LRP1B: variants seen among roughly 807,000 people sequenced by gnomAD.
LRP1B encodes the protein low-density lipoprotein receptor-related protein 1B.
In LRP1B, 217 loss-of-function variants were observed where a neutral mutation model predicts 556.6. That is an observed-to-expected ratio of 0.39 (90% confidence interval 0.35 to 0.44). LRP1B has a LOEUF of 0.44. LRP1B is among the 20% of genes least tolerant of loss of function. The pLI, the probability that LRP1B is intolerant of heterozygous loss-of-function variation, is 1.00. For synonymous variants in LRP1B, 2,047 were observed against 1,865.8 expected, an observed-to-expected ratio of 1.10 and a Z score of -2.50; for missense variants, 5,053 against 5,620.8, an observed-to-expected ratio of 0.90 and a Z score of 3.23.
chr2:140,295,364 A>G (rs534290749), intron 84 of LRP1B, among the ~76,000 whole-genome samples: 58 of 152,308 alleles, frequency 3.8e-4, no homozygotes, highest in African/African-American at 1.4e-3. Flanking sequence ...AGAATAAACA[A>G]TTGGAAAATA....
At chr2:141,408,600 T>TA (rs199590263) in intron 3 of LRP1B, among the ~76,000 whole-genome samples, 2,308 of 151,390 alleles carry the variant, frequency 0.015, 56 homozygotes, top group African/African-American at 0.051. Context: ...AAACAGAGTG[T>TA]AAAAAAAAAT....
intron 1 of LRP1B, among the ~76,000 whole-genome samples, chr2:141,895,324 C>T (rs1453216479): frequency 6.6e-6 from 1 of 152,104 alleles, no homozygotes; most frequent in African/African-American, 2.4e-5. Flanking sequence ...AATATTCTCT[C>T]AGAGAAGTGA....
intron 2 of LRP1B, among the ~76,000 whole-genome samples, chr2:141,759,777 T>C (rs972863589): frequency 6.6e-6 from 1 of 152,166 alleles, no homozygotes; most frequent in Non-Finnish European, 1.5e-5. Flanking sequence ...GATGTTTAGA[T>C]CTTTGAGGGG....
In LRP1B at chr2:141,697,236, T is replaced by A. The variant is rs183732035; in HGVS notation, c.205+113043A>T. Among the ~76,000 whole-genome samples, 3 of 152,078 alleles carry A rather than the reference T, an allele frequency of 2.0e-5. No individual in the cohort carries two copies. The East Asian group carries it at 5.8e-4, about 30-fold the overall frequency. On this transcript the variant is annotated intron_variant, in intron 2 of 90. Transcript: ENST00000389484. ...ATTAAAAAATAAACAGTAATCAGCA[T>A]AAAATTTGTCACCCCATGCATTTTA...
At chr2:141,364,577 C>T (rs1294671655) in intron 3 of LRP1B, among the ~76,000 whole-genome samples, 1 of 152,166 alleles carries the variant, frequency 6.6e-6, no homozygotes, top group Admixed American at 6.5e-5. Context: ...ATATAGAAGG[C>T]ACATAACATA....
intron 3 of LRP1B, among the ~76,000 whole-genome samples, chr2:141,444,187 G>A (rs1277100494): frequency 6.6e-6 from 1 of 151,870 alleles, no homozygotes; most frequent in Non-Finnish European, 1.5e-5. Context: ...TATTCTTTTT[G>A]TAGCAACTCT....
At chr2:140,482,284 G>A (rs182706336) in intron 59 of LRP1B, among the ~76,000 whole-genome samples, 295 of 152,120 alleles carry the variant, frequency 1.9e-3, no homozygotes, top group Middle Eastern at 6.8e-3. Context: ...TATATGTAAT[G>A]TTTTCTGTTA....
chr2:141,725,654 T>C (rs12623451), intron 2 of LRP1B, among the ~76,000 whole-genome samples: 88,393 of 151,562 alleles, frequency 0.58, 26,249 homozygotes, highest in East Asian at 0.92. Flanking sequence ...AGAATACAAG[T>C]AGTCTTTTTG....
chr2:140,898,069 G>A (rs1694002138), intron 23 of LRP1B, among the ~76,000 whole-genome samples: 1 of 152,156 alleles, frequency 6.6e-6, no homozygotes, highest in Non-Finnish European at 1.5e-5. Context: ...GAAAGGGTCT[G>A]CCCCATAACC....
intron 41 of LRP1B, among the ~76,000 whole-genome samples, chr2:140,602,081 C>T (rs886593777): frequency 5.3e-5 from 8 of 151,888 alleles, no homozygotes; most frequent in African/African-American, 1.7e-4. Flanking sequence ...GCAAACACAT[C>T]GAAAACTACA....
chr2:140,888,601 T>TA, intron 23 of LRP1B, among the ~76,000 whole-genome samples: 1 of 152,048 alleles, frequency 6.6e-6, no homozygotes, highest in East Asian at 1.9e-4. Flanking sequence ...ATATGCATTT[T>TA]AATAATACAC....
intron 6 of LRP1B, among the ~76,000 whole-genome samples, chr2:141,191,455 G>A (rs866823039): frequency 6.6e-6 from 1 of 151,908 alleles, no homozygotes; most frequent in Middle Eastern, 3.4e-3. Context: ...GACTAACATA[G>A]ACATATGTGT....
At chr2:140,926,200 G>A (rs1468594539) in intron 20 of LRP1B, among the ~76,000 whole-genome samples, 1 of 151,506 alleles carries the variant, frequency 6.6e-6, no homozygotes, top group East Asian at 1.9e-4. Flanking sequence ...ATAATATTGT[G>A]AACTTTCAAA....
At chr2:141,533,748 A>G (rs1039836690) in intron 2 of LRP1B, among the ~76,000 whole-genome samples, 2 of 152,068 alleles carry the variant, frequency 1.3e-5, no homozygotes, top group Non-Finnish European at 2.9e-5. Flanking sequence ...TTTTTGTTAC[A>G]ATGCACAGGT....
At chr2:141,690,537 C>T (rs982336351) in intron 2 of LRP1B, among the ~76,000 whole-genome samples, 3 of 147,918 alleles carry the variant, frequency 2.0e-5, no homozygotes, top group Non-Finnish European at 3.0e-5. Context: ...AGAAGATGAT[C>T]AGTTACAGTT....
chr2:141,579,779 A>C (rs1369816420), intron 2 of LRP1B, among the ~76,000 whole-genome samples: 1 of 128,472 alleles, frequency 7.8e-6, no homozygotes. Flanking sequence ...GGCTCACTGA[A>C]AGCTCCGACT....
At chr2:140,359,733 T>TC (rs1682419150) in intron 72 of LRP1B, among the ~76,000 whole-genome samples, 1 of 151,678 alleles carries the variant, frequency 6.6e-6, no homozygotes, top group Non-Finnish European at 1.5e-5. Flanking sequence ...CTTTCAATTC[T>TC]CTATCTAGTT....
chr2:141,830,809 C>T (rs996859846), intron 1 of LRP1B, among the ~76,000 whole-genome samples: 8 of 151,772 alleles, frequency 5.3e-5, no homozygotes, highest in Non-Finnish European at 8.9e-5. Flanking sequence ...TGTAAGAGGA[C>T]AAGACACTGG....
At chr2:141,084,289 A>G (rs1295909666) in intron 7 of LRP1B, among the ~76,000 whole-genome samples, 1 of 152,182 alleles carries the variant, frequency 6.6e-6, no homozygotes. Flanking sequence ...TTGATACAGA[A>G]TTGGTTAGAG....
Sources: allele counts gnomAD v4.1 joint callset (sites outside exome capture counted in the v4.1 genomes callset), GRCh38; gene constraint gnomAD v4.1.1; transcripts MANE v1.5; gene names NCBI Gene and HGNC (gene_info 2026-07-23, HGNC 2026-07-21).